CYP19A1: variants seen among roughly 807,000 people sequenced by gnomAD.
The protein encoded by CYP19A1 is aromatase.
CYP19A1 carries 32 observed loss-of-function variants against 44.4 expected under a neutral mutation model. The observed-to-expected ratio is 0.72, with a 90% CI of 0.54 to 0.97. The LOEUF (loss-of-function observed/expected upper bound fraction) is 0.97. CYP19A1 is among the 50% of genes least tolerant of loss of function. The probability of loss-of-function intolerance (pLI) is 0.00; values close to 1 mark genes in which losing one functional copy is unlikely to be tolerated. For synonymous variants in CYP19A1, 212 were observed against 215.6 expected (o/e 0.98, Z 0.14); for missense variants, 598 against 637.8 (o/e 0.94, Z 0.67).
intron 1 of CYP19A1, among the ~76,000 whole-genome samples, chr15:51,282,672 A>T (rs1264547245): frequency 1.3e-5 from 2 of 152,102 alleles, no homozygotes; most frequent in East Asian, 3.9e-4. Flanking sequence ...CTGGTGTTGG[A>T]TCTGATCACC....
chr15:51,227,864 C>T lies in CYP19A1; in HGVS notation c.366G>A (p.Leu122=), dbSNP rs1317904916. Residue 122 remains leucine (L), a synonymous_variant, in exon 4 of 10, where the codon CTG becomes CTA. Transcript: ENST00000396402. ...CTTTCTCATGCATACCGATGCACTG[C>T]AGCCCAAGTTTGCTGCCGAATCGAG... The part of the protein sequence containing the change: ...YSSRFGSKLG[L]QCIGMHEKGI... 1 of 1,547,120 alleles carries T rather than the reference C, an allele frequency of 6.5e-7. No homozygotes were observed. The highest frequency in any genetic ancestry group is 8.9e-7 in the Non-Finnish European group (1 of 1,118,992).
At chr15:51,225,240 G>A (rs2032474680) in intron 4 of CYP19A1, among the ~76,000 whole-genome samples, 1 of 152,154 alleles carries the variant, frequency 6.6e-6, no homozygotes, top group African/African-American at 2.4e-5. Context: ...TGAGAACGGT[G>A]GGGTGTTAAA....
At chr15:51,257,675 G>A (rs938021818) in intron 1 of CYP19A1, among the ~76,000 whole-genome samples, 3 of 152,214 alleles carry the variant, frequency 2.0e-5, no homozygotes, top group Non-Finnish European at 2.9e-5. Flanking sequence ...CCCACACAGC[G>A]CTGCTTCCAT....
chr15:51,228,929 T>C (rs2032806527), intron 3 of CYP19A1, among the ~76,000 whole-genome samples: 2 of 152,224 alleles, frequency 1.3e-5, no homozygotes, highest in Admixed American at 1.3e-4. Flanking sequence ...GTGGTTACTA[T>C]AATATCTGCA....
rs1426992508 is a variant in CYP19A1 at position 51,324,886 on chromosome 15, A to C, written c.-39+13609T>G. Among the ~76,000 whole-genome samples, 4 of 152,214 alleles carry C rather than the reference A, an allele frequency of 2.6e-5. No homozygotes were observed. The East Asian group carries it at 5.8e-4, about 22-fold the overall frequency. On this transcript the variant is annotated intron_variant, in intron 1 of 9. Transcript: ENST00000396402. ...CAAAAGTCAGAGGCAAAACAATAAC[A>C]AAATTCTGGGGTGTGTTACAAATTA...
At chr15:51,239,488 C>T (rs539207493) in intron 2 of CYP19A1, among the ~76,000 whole-genome samples, 2 of 152,234 alleles carry the variant, frequency 1.3e-5, no homozygotes, top group South Asian at 2.1e-4. Flanking sequence ...CTGCATGCCA[C>T]GATGTGGATG....
intron 9 of CYP19A1, 113 bp from the exon 10 acceptor site, chr15:51,211,169 G>A (rs1263567712): frequency 4.0e-6 from 3 of 741,238 alleles, no homozygotes; most frequent in Non-Finnish European, 4.8e-6. Context: ...GGGGTTATCA[G>A]CTACAATGCC....
intron 1 of CYP19A1, chr15:51,324,005 C>T (rs776259739): frequency 1.3e-5 from 2 of 152,208 alleles, no homozygotes; most frequent in Non-Finnish European, 2.9e-5. Context: ...TGGTTAAAAT[C>T]AGGGGACCTG....
intron 1 of CYP19A1, among the ~76,000 whole-genome samples, chr15:51,311,109 A>G (rs1382933531): frequency 3.3e-5 from 5 of 152,202 alleles, no homozygotes; most frequent in Non-Finnish European, 5.9e-5. Flanking sequence ...ACCCAAAGTG[A>G]TAAGGACCAG....
intron 1 of CYP19A1, among the ~76,000 whole-genome samples, chr15:51,316,612 C>T (rs185655593): frequency 1.3e-5 from 2 of 151,562 alleles, no homozygotes; most frequent in Non-Finnish European, 2.9e-5. Flanking sequence ...GGTATGGTGG[C>T]TCACCCCTGT....
intron 1 of CYP19A1, chr15:51,321,877 G>C (rs558712052): frequency 6.6e-6 from 1 of 152,082 alleles, no homozygotes; most frequent in South Asian, 2.1e-4. Flanking sequence ...CTCATCGAAA[G>C]GGAAGGACCC....
At chr15:51,264,466 C>G (rs1382116320) in intron 1 of CYP19A1, among the ~76,000 whole-genome samples, 1 of 151,348 alleles carries the variant, frequency 6.6e-6, no homozygotes, top group Non-Finnish European at 1.5e-5. Context: ...GTGAAGTGAA[C>G]CTTACAGGAG....
In CYP19A1 at chr15:51,247,515, G is replaced by A. The variant is rs148220112; in HGVS notation, c.-38-4565C>T. Among the ~76,000 whole-genome samples the A allele has an allele frequency of 8.3e-3, 1,268 of 152,022 alleles. 25 individuals are homozygous for A. Among genetic ancestry groups the A allele is most frequent in the African/African-American group, 0.03 (1,228 of 41,458 alleles). ...GACAGAGTCTTGCTCTGTTGCCCAG[G>A]CTGGCATGCAGTGGTGACACAATTT... On this transcript the variant is annotated intron_variant, in intron 1 of 9. Transcript: ENST00000396402.
intron 7 of CYP19A1, 91 bp downstream of exon 7, chr15:51,215,612 A>C: frequency 1.2e-6 from 2 of 1,608,716 alleles, no homozygotes; most frequent in African/African-American, 2.7e-5. Context: ...AAAAGCAGAA[A>C]TATGCAACAG....
chr15:51,258,923 T>C (rs2034614332), intron 1 of CYP19A1, among the ~76,000 whole-genome samples: 1 of 152,206 alleles, frequency 6.6e-6, no homozygotes, highest in Non-Finnish European at 1.5e-5. Flanking sequence ...ATGCCACTAA[T>C]GACACATTCG....
intron 3 of CYP19A1, among the ~76,000 whole-genome samples, chr15:51,235,422 A>G (rs1179757569): frequency 1.3e-5 from 2 of 152,152 alleles, no homozygotes; most frequent in Admixed American, 1.3e-4. Flanking sequence ...TTGTTGAAGG[A>G]CCACACTTTG....
chr15:51,259,697 T>C (rs1192327888), intron 1 of CYP19A1, among the ~76,000 whole-genome samples: 1 of 152,174 alleles, frequency 6.6e-6, no homozygotes, highest in Non-Finnish European at 1.5e-5. Context: ...AAGAAGGTGC[T>C]AGGGCTGCAC....
chr15:51,317,462 C>T (rs940338435), intron 1 of CYP19A1, among the ~76,000 whole-genome samples: 1 of 152,134 alleles, frequency 6.6e-6, no homozygotes, highest in Non-Finnish European at 1.5e-5. Flanking sequence ...TTTTCCTGCC[C>T]CAAACCTAAT....
intron 1 of CYP19A1, chr15:51,319,143 C>T (rs775677887): frequency 6.6e-6 from 1 of 152,200 alleles, no homozygotes; most frequent in Non-Finnish European, 1.5e-5. Flanking sequence ...CTCACCATTC[C>T]TTTTCAAGCT....
Sources: allele counts gnomAD v4.1 joint callset (sites outside exome capture counted in the v4.1 genomes callset), GRCh38; gene constraint gnomAD v4.1.1; transcripts MANE v1.5; gene names NCBI Gene and HGNC (gene_info 2026-07-23, HGNC 2026-07-21).